The following DAP variants were observed in gnomAD, a reference collection of about 807,000 sequenced individuals.
The protein encoded by DAP is death-associated protein 1.
Under a neutral mutation model 13.8 loss-of-function variants are expected in DAP, and 8 were observed. The ratio of observed to expected loss-of-function variants is 0.58; its 90% CI spans 0.34 to 1.05. DAP has a LOEUF of 1.05. DAP is among the 50% of genes least tolerant of loss of function. The pLI is 0.03. For synonymous variants in DAP, 47 were observed against 47.5 expected (o/e 0.99, Z 0.04); for missense variants, 106 against 133.2 (o/e 0.80, Z 1.01).
chr5:10,730,753 T>C (rs545809281), intron 2 of DAP, among the ~76,000 whole-genome samples: 38 of 117,088 alleles, frequency 3.2e-4, no homozygotes, highest in East Asian at 1.3e-3. Context: ...GGGGGGAATC[T>C]TTCTCTACTG....
At position 10,707,460 on chromosome 5, in the gene DAP, T is replaced by TGATGCACGGGTGATGTGGTGC. The variant is rs374533881; in HGVS notation, c.153-23910_153-23890dup. Among the ~76,000 whole-genome samples, 277 of 152,344 alleles carry TGATGCACGGGTGATGTGGTGC rather than the reference T, an allele frequency of 1.8e-3. No homozygotes were observed. The highest frequency in any genetic ancestry group is 6.3e-3 in the African/African-American group (263 of 41,576). ...GCTGAGGGCAGGAGAGCTGGTGGTG[T>TGATGCACGGGTGATGTGGTGC]GATGCACGGGTGATGTGGTGCATAA... On this transcript the variant is annotated intron_variant, in intron 2 of 3. Coordinates refer to ENST00000230895, the MANE Select transcript of DAP (RefSeq NM_004394.3). This position sits in a 1 kb window ranked among gnomAD's most constrained non-coding sequence, Gnocchi z 4.0.
chr5:10,714,445 T>A (rs966607051), intron 2 of DAP, among the ~76,000 whole-genome samples: 2 of 152,238 alleles, frequency 1.3e-5, no homozygotes, highest in Non-Finnish European at 2.9e-5. Context: ...TCAGGAGACC[T>A]TGTTATTAAA....
rs954854567 is a variant in DAP at position 10,679,809 on chromosome 5, C to T, written c.*1247G>A. Reference sequence around the variant, plus strand: ...GCAGACGTGAACTGGAGAACAGCACCAGAAAGGCTGGTGGTTGGCAGCTGC... The same window carrying T: ...GCAGACGTGAACTGGAGAACAGCACTAGAAAGGCTGGTGGTTGGCAGCTGC... On this transcript the variant is annotated 3_prime_UTR_variant, in exon 4 of 4. Coordinates refer to ENST00000230895, the MANE Select transcript of DAP (RefSeq NM_004394.3). 6.6e-6 allele frequency: 1 copy of T among 152,388 alleles called. No homozygotes were observed. Among genetic ancestry groups the T allele is most frequent in the African/African-American group, 2.4e-5 (1 of 41,434 alleles). 9.4% of individuals were successfully genotyped at this position (152,388 alleles called of 1,614,324 possible). A position where few individuals can be genotyped will look rare whatever the true frequency, so the allele number is the denominator to read the frequency against.
rs370396587 is a variant in DAP, at chr5:10,681,140, C to T, written c.225G>A (p.Ala75=). ...CATGCGGCTTCTGGTGAGCCACCTG[C>T]GCAGCCGCCGGGGGGAAATCTTTGT... ...RGDKDFPPAA[A]QVAHQKPHAS... Residue 75 remains alanine (A), a synonymous_variant, in exon 4 of 4, where the codon GCG becomes GCA. Transcript: ENST00000230895. The T allele has an allele frequency of 6.1e-5, 93 of 1,529,610 alleles. 1 individual carries two copies. Among genetic ancestry groups the T allele is most frequent in the South Asian group, 2.0e-4 (15 of 76,282 alleles). 94.8% of individuals were successfully genotyped at this position (1,529,610 alleles called of 1,614,324 possible).
At chr5:10,706,171 T>C (rs1738695086) in intron 2 of DAP, among the ~76,000 whole-genome samples, 1 of 152,270 alleles carries the variant, frequency 6.6e-6, no homozygotes, top group Non-Finnish European at 1.5e-5. Flanking sequence ...GGTGTTAGGA[T>C]AACTTTTAGT....
chr5:10,727,499 C>T (rs1023741565), intron 2 of DAP, among the ~76,000 whole-genome samples: 1 of 152,128 alleles, frequency 6.6e-6, no homozygotes, highest in Non-Finnish European at 1.5e-5. Flanking sequence ...GGGGATGGGG[C>T]CTGCTGCCTT....
intron 3 of DAP, 87 bp downstream of exon 3, chr5:10,683,442 T>A: frequency 8.0e-7 from 1 of 1,245,736 alleles, no homozygotes; most frequent in Non-Finnish European, 1.2e-6. Context: ...TTATTCCAGG[T>A]AGAGTTTAAC....
At chr5:10,729,188 T>A (rs1739373339) in intron 2 of DAP, among the ~76,000 whole-genome samples, 1 of 152,206 alleles carries the variant, frequency 6.6e-6, no homozygotes, top group Non-Finnish European at 1.5e-5. Context: ...TGAAGCCAGG[T>A]ATAGCTGAAA....
chr5:10,699,720 C>G lies in DAP; in HGVS notation c.153-16149G>C, dbSNP rs188459800. On this transcript the variant is annotated intron_variant, in intron 2 of 3. Coordinates refer to ENST00000230895, the MANE Select transcript of DAP (RefSeq NM_004394.3). ...AATCTCTGTGAACTTGGTGAATGAG[C>G]CTTTCCAGAGAGGAATGAAAGGGCA... Among the ~76,000 whole-genome samples, 404 of 151,858 alleles carry G rather than the reference C, an allele frequency of 2.7e-3. 3 individuals are homozygous for G. The highest frequency in any genetic ancestry group is 9.3e-3 in the African/African-American group (384 of 41,310).
chr5:10,717,640 T>C (rs1006680756), intron 2 of DAP, among the ~76,000 whole-genome samples: 26 of 152,140 alleles, frequency 1.7e-4, no homozygotes, highest in Non-Finnish European at 3.2e-4. Flanking sequence ...GGCAAGATAA[T>C]GTTGATTCTC....
rs138360356 is a variant in DAP, at chr5:10,724,351, C to T, written c.152+23824G>A. ...TGAATATGGGACTGCTGTTAATTCA[C>T]GCTGTGCTTTTAGTTCTTTTCAAAG... is the stretch of plus-strand genomic sequence containing the variant. On this transcript the variant is annotated intron_variant, in intron 2 of 3. Transcript: ENST00000230895. Among the ~76,000 whole-genome samples the T allele has an allele frequency of 1.4e-4, 21 of 152,362 alleles. No homozygotes were observed. The East Asian group carries it at 3.3e-3, about 24-fold the overall frequency.
chr5:10,738,832 A>G (rs1024428021), intron 2 of DAP, among the ~76,000 whole-genome samples: 1 of 152,232 alleles, frequency 6.6e-6, no homozygotes, highest in Non-Finnish European at 1.5e-5. Context: ...AAAGCATTCC[A>G]GAGTAAAAGA....
intron 2 of DAP, among the ~76,000 whole-genome samples, chr5:10,712,541 C>T (rs374194659): frequency 9.9e-5 from 15 of 152,104 alleles, no homozygotes; most frequent in Non-Finnish European, 1.3e-4. Context: ...TGTATTCTGC[C>T]GAGTAGATTC....
At chr5:10,732,561 C>T (rs932629398) in intron 2 of DAP, among the ~76,000 whole-genome samples, 1 of 152,296 alleles carries the variant, frequency 6.6e-6, no homozygotes, top group Non-Finnish European at 1.5e-5. Context: ...TTTGTTTCTC[C>T]ACTCATTGGC....
chr5:10,754,237 G>T (rs1170944099), intron 1 of DAP, among the ~76,000 whole-genome samples: 1 of 152,296 alleles, frequency 6.6e-6, no homozygotes, highest in Non-Finnish European at 1.5e-5. Flanking sequence ...CTGACAGTCT[G>T]GCCCAATAAC....
At chr5:10,722,320 C>T (rs894208872) in intron 2 of DAP, among the ~76,000 whole-genome samples, 1 of 152,104 alleles carries the variant, frequency 6.6e-6, no homozygotes, top group Non-Finnish European at 1.5e-5. Context: ...GGCCTCACCT[C>T]CCAGCCTACA....
intron 2 of DAP, among the ~76,000 whole-genome samples, chr5:10,710,471 G>A (rs1051043846): frequency 1.3e-5 from 2 of 152,246 alleles, no homozygotes; most frequent in African/African-American, 4.8e-5. Flanking sequence ...AGAACCATGA[G>A]GGGGCCACAG....
At chr5:10,719,707 T>C (rs1278749628) in intron 2 of DAP, among the ~76,000 whole-genome samples, 2 of 152,162 alleles carry the variant, frequency 1.3e-5, no homozygotes, top group Non-Finnish European at 2.9e-5. Flanking sequence ...CTTGAGCACG[T>C]CCTGAAGGCA....
intron 2 of DAP, among the ~76,000 whole-genome samples, chr5:10,696,547 T>C (rs1738444560): frequency 6.6e-6 from 1 of 152,250 alleles, no homozygotes; most frequent in African/African-American, 2.4e-5. Context: ...AAGATGGGAA[T>C]GATTCCTACT....
Sources: allele counts gnomAD v4.1 joint callset (sites outside exome capture counted in the v4.1 genomes callset), GRCh38; gene constraint gnomAD v4.1.1; non-coding constraint Gnocchi (gnomAD v3.1); transcripts MANE v1.5; gene names NCBI Gene and HGNC (gene_info 2026-07-23, HGNC 2026-07-21).